ABLIM3: variants seen among roughly 807,000 people sequenced by gnomAD.
ABLIM3 encodes the protein actin binding LIM protein family member 3, also known as actin-binding LIM protein 3.
ABLIM3 carries 61 observed loss-of-function variants against 109.5 expected under a neutral mutation model. The ratio of observed to expected loss-of-function variants is 0.56; its 90% confidence interval spans 0.45 to 0.69. ABLIM3 has a LOEUF of 0.69. Ranked by LOEUF, ABLIM3 falls within the 30% of genes least tolerant of loss-of-function variation. ABLIM3 has a pLI of 0.00. For missense variants in ABLIM3, 796 were observed against 889.5 expected (o/e 0.89, Z 1.34); for synonymous variants, 300 against 324.8 (o/e 0.92, Z 0.82).
At chr5:149,192,485 T>TCCA (rs943835238) in intron 3 of ABLIM3, among the ~76,000 whole-genome samples, 1 of 150,150 alleles carries the variant, frequency 6.7e-6, no homozygotes, top group Non-Finnish European at 1.5e-5. Context: ...ACAGAAACAC[T>TCCA]CCACCTACGG....
At chr5:149,169,908 G>T (rs1755211379) in intron 2 of ABLIM3, among the ~76,000 whole-genome samples, 1 of 152,214 alleles carries the variant, frequency 6.6e-6, no homozygotes, top group Non-Finnish European at 1.5e-5. Flanking sequence ...ATGGAGAACT[G>T]TGAGTAATTA....
chr5:149,154,086 C>A (rs1753670366), intron 2 of ABLIM3, among the ~76,000 whole-genome samples: 1 of 152,226 alleles, frequency 6.6e-6, no homozygotes, highest in Admixed American at 6.5e-5. Flanking sequence ...TTGCAATAGT[C>A]TAATGACACA....
intron 1 of ABLIM3, 82 bp from the exon 2 acceptor site, chr5:149,141,927 C>T: frequency 4.0e-6 from 4 of 993,390 alleles, no homozygotes; most frequent in Non-Finnish European, 6.3e-6. Context: ...GGGGCTACAG[C>T]CCAGACAGAG....
intron 2 of ABLIM3, among the ~76,000 whole-genome samples, chr5:149,147,441 G>A (rs951252914): frequency 6.6e-6 from 1 of 151,974 alleles, no homozygotes; most frequent in African/African-American, 2.4e-5. Context: ...TAACTTCTTG[G>A]TGTTCTGCTG....
chr5:149,185,800 T>C (rs1430999958), intron 3 of ABLIM3, among the ~76,000 whole-genome samples: 1 of 152,206 alleles, frequency 6.6e-6, no homozygotes, highest in Admixed American at 6.5e-5. Context: ...TCTTTTAACA[T>C]GCACTACCAT....
chr5:149,198,413 G>A lies in ABLIM3; in HGVS notation c.335+11G>A, dbSNP rs755961832. ...GTGCAGCTTGTGCAGGTGAGTGGGC[G>A]ACCAGCAGGGCCTGGGACCCTCTGC... On this transcript the variant is annotated intron_variant, in intron 4 of 23. Coordinates refer to ENST00000309868, the MANE Select transcript of ABLIM3 (RefSeq NM_014945.5). This position sits in a 1 kb window ranked among gnomAD's most constrained non-coding sequence, Gnocchi z 4.2. 1.1e-5 allele frequency: 17 copies of A among 1,599,230 alleles called. No homozygotes were observed. Among genetic ancestry groups the A allele is most frequent in the Middle Eastern group, 1.7e-4 (1 of 5,956 alleles).
At chr5:149,239,683 C>T (rs570991887) in intron 12 of ABLIM3, 76 bp from the exon 13 acceptor site, 4 of 1,502,844 alleles carry the variant, frequency 2.7e-6, no homozygotes, top group Admixed American at 2.3e-5. Flanking sequence ...ATGTCATGCC[C>T]ACCTGCCTGC....
chr5:149,212,906 C>G (rs1269668467), intron 7 of ABLIM3, among the ~76,000 whole-genome samples: 2 of 152,150 alleles, frequency 1.3e-5, no homozygotes, highest in African/African-American at 4.8e-5. Flanking sequence ...AGGGTGATCA[C>G]TTGAGTCCAG....
intron 3 of ABLIM3, among the ~76,000 whole-genome samples, chr5:149,197,562 C>A (rs982243327): frequency 2.0e-5 from 3 of 152,152 alleles, no homozygotes; most frequent in East Asian, 3.9e-4. Context: ...AGACACCCCC[C>A]ACTCCTTATG....
At position 149,230,707 on chromosome 5, in the gene ABLIM3, G is replaced by A. The variant is rs756807864; in HGVS notation, c.816G>A (p.Lys272=). 2.5e-6 allele frequency: 4 copies of A among 1,613,902 alleles called. No homozygotes were observed. Among genetic ancestry groups the A allele is most frequent in the Non-Finnish European group, 3.4e-6 (4 of 1,179,948 alleles). ...KQAARAEKKL[K]HRRTSETSIS... is the part of the protein sequence containing the mutation. Reference sequence around the variant, plus strand: ...CAGCCCGGGCAGAGAAGAAGTTAAAGGTAAGCAAGCTAGTAGATTCCAGAC... The same window carrying A: ...CAGCCCGGGCAGAGAAGAAGTTAAAAGTAAGCAAGCTAGTAGATTCCAGAC... Residue 272 remains lysine, a splice_region_variant and synonymous_variant, in exon 9 of 24, where the codon AAG becomes AAA. Transcript: ENST00000309868.
At chr5:149,175,257 C>T (rs1027797578) in intron 2 of ABLIM3, among the ~76,000 whole-genome samples, 1 of 152,156 alleles carries the variant, frequency 6.6e-6, no homozygotes, top group African/African-American at 2.4e-5. Context: ...ATTTCCTTTA[C>T]CCACCACTCT....
chr5:149,237,529 C>A lies in ABLIM3; in HGVS notation c.970C>A (p.Pro324Thr), dbSNP rs1752328539. The A allele has an allele frequency of 1.2e-6, 2 of 1,614,072 alleles. No homozygotes were observed. Among genetic ancestry groups the A allele is most frequent in the African/African-American group, 2.7e-5 (2 of 74,920 alleles). Residue 324 changes from proline (P) to threonine (T), a missense_variant, in exon 11 of 24, where the codon CCC (proline) becomes ACC (threonine). By Grantham distance (38) the Pro-to-Thr change is conservative. Coordinates refer to ENST00000309868, the MANE Select transcript of ABLIM3 (RefSeq NM_014945.5). ...KVKSIYEVQR[P>T]DLISYEPHSR... The stretch of plus-strand genomic sequence containing the variant: ...TAAGTCTATCTACGAGGTACAACGC[C>A]CCGACCTCATTTCCTATGAGCCTCA...
intron 2 of ABLIM3, among the ~76,000 whole-genome samples, chr5:149,153,710 G>C (rs1753637827): frequency 6.6e-6 from 1 of 152,224 alleles, no homozygotes; most frequent in South Asian, 2.1e-4. Context: ...GAAGACGCCA[G>C]GCAGCTCCAC....
intron 14 of ABLIM3, among the ~76,000 whole-genome samples, chr5:149,242,156 T>G (rs1752918721): frequency 6.6e-6 from 1 of 152,090 alleles, no homozygotes; most frequent in African/African-American, 2.4e-5. Context: ...TGGCCACTGG[T>G]GGAGGCAGTG....
chr5:149,247,917 T>G lies in ABLIM3; in HGVS notation c.1687T>G (p.Ser563Ala), dbSNP rs1282633127. ...EALHTAGYEM[S>A]LNGSPRSHYL... ...CCTGCACACAGCTGGCTATGAGATGTCCCTCAATGGCTGTAAGCATGGCTC... is the reference window on the plus strand; with the variant it reads ...CCTGCACACAGCTGGCTATGAGATGGCCCTCAATGGCTGTAAGCATGGCTC... Residue 563 changes from serine to alanine, a missense_variant, in exon 18 of 24, where the codon TCC becomes GCC. Transcript: ENST00000309868. 1.9e-6 allele frequency: 3 copies of G among 1,613,954 alleles called. No homozygotes were observed. Among genetic ancestry groups the G allele is most frequent in the Non-Finnish European group, 2.5e-6 (3 of 1,179,988 alleles).
At chr5:149,142,392 G>T (rs1752549402) in intron 2 of ABLIM3, among the ~76,000 whole-genome samples, 2 of 152,210 alleles carry the variant, frequency 1.3e-5, no homozygotes, top group South Asian at 4.1e-4. Flanking sequence ...CTAGGAAGCA[G>T]TGTGTGGCCA....
intron 2 of ABLIM3, among the ~76,000 whole-genome samples, chr5:149,166,179 T>A (rs4512126): frequency 0.56 from 84,563 of 152,062 alleles, 23,726 homozygotes; most frequent in Admixed American, 0.68. Context: ...TAGGAATCAG[T>A]TGGAACTGAG....
intron 2 of ABLIM3, among the ~76,000 whole-genome samples, chr5:149,163,278 G>C (rs1754541434): frequency 6.6e-6 from 1 of 152,200 alleles, no homozygotes; most frequent in Admixed American, 6.5e-5. Context: ...AGCAGCAGAT[G>C]ATGGGGCTGG....
At chr5:149,200,202 G>A (rs1758361934) in intron 4 of ABLIM3, 114 bp from the exon 5 acceptor site, 1 of 836,230 alleles carries the variant, frequency 1.2e-6, no homozygotes, top group South Asian at 1.6e-5. Context: ...AATTTGCGTG[G>A]TGCTCTAGAA....
Sources: gnomAD v4.1 joint callset for allele counts (sites outside exome capture counted in the v4.1 genomes callset) on GRCh38, gnomAD v4.1.1 for gene constraint, Gnocchi (gnomAD v3.1) non-coding constraint, MANE v1.5 for transcripts, NCBI Gene and HGNC (gene_info 2026-07-23, HGNC 2026-07-21) for gene names.